Variants in SCN4A observed in about 807,000 individuals in gnomAD.
The protein encoded by SCN4A is sodium voltage-gated channel alpha subunit 4, also known as sodium channel protein type 4 subunit alpha.
SCN4A carries 83 observed loss-of-function variants against 162.0 expected under a neutral mutation model. The ratio of observed to expected loss-of-function variants is 0.51; its 90% CI spans 0.43 to 0.61. The LOEUF (loss-of-function observed/expected upper bound fraction) is 0.61, where lower values mean the gene tolerates loss of function less well. Ranked by LOEUF, SCN4A falls within the 20% of genes least tolerant of loss-of-function variation. The pLI, the probability that SCN4A is intolerant of heterozygous loss-of-function variation, is 0.00. For missense variants in SCN4A, 2,196 were observed against 2,462.5 expected, an observed-to-expected ratio of 0.89 and a Z score of 2.29; for synonymous variants, 944 against 985.1, an observed-to-expected ratio of 0.96 and a Z score of 0.78.
At position 63,940,904 on chromosome 17, in the gene SCN4A, T is replaced by C; in HGVS notation, c.5378A>G (p.Glu1793Gly). 1 of 1,613,924 alleles carries C rather than the reference T, an allele frequency of 6.2e-7. No individual in the cohort carries two copies. The highest frequency in any genetic ancestry group is 8.5e-7 in the Non-Finnish European group (1 of 1,179,882). Residue 1793 changes from glutamate to glycine, a missense_variant, in exon 24 of 24, where the codon GAG (glutamate) becomes GGG (glycine). Physicochemically the swap from Glu to Gly is moderately conservative, Grantham distance 98. Coordinates refer to ENST00000435607, the MANE Select transcript of SCN4A (RefSeq NM_000334.4). Reference protein sequence around the residue: ...ENGNSSSPSPEEKGEAGDAGP... With the variant: ...ENGNSSSPSPGEKGEAGDAGP... ...GGCGTCCCCTGCCTCGCCCTTCTCCTCCGGGCTTGGCGAGCTGCTGTTCCC... is the reference window on the plus strand; with the variant it reads ...GGCGTCCCCTGCCTCGCCCTTCTCCCCCGGGCTTGGCGAGCTGCTGTTCCC...
At chr17:63,942,295 GAAAGAGAC>G (rs1908567286) in intron 23 of SCN4A, among the ~76,000 whole-genome samples, 1 of 151,358 alleles carries the variant, frequency 6.6e-6, no homozygotes, top group Non-Finnish European at 1.5e-5. Flanking sequence ...GTGTGTGTGT[GAAAGAGAC>G]AGAGAGAGAG....
chr17:63,951,659 G>A lies in SCN4A; in HGVS notation c.2618C>T (p.Thr873Ile). The A allele has an allele frequency of 6.3e-7, 1 of 1,588,770 alleles. No individual in the cohort carries two copies. The highest frequency in any genetic ancestry group is 8.6e-7 in the Non-Finnish European group (1 of 1,167,138). Residue 873 changes from threonine (T) to isoleucine (I), a missense_variant, in exon 14 of 24, where the codon ACT becomes ATT. Coordinates refer to ENST00000435607, the MANE Select transcript of SCN4A (RefSeq NM_000334.4). This position sits in a 1 kb window ranked among gnomAD's most constrained non-coding sequence, Gnocchi z 4.5. ...CTCCTTCTTCTCATCCTCGGGGGCAGTCTCCCCCGCCTCTCCAGCCTCCCC... is the reference window on the plus strand; with the variant it reads ...CTCCTTCTTCTCATCCTCGGGGGCAATCTCCCCCGCCTCTCCAGCCTCCCC... ...GAGEAGEAGETAPEDEKKEPP... is the reference protein window; with the variant it reads ...GAGEAGEAGEIAPEDEKKEPP...
In SCN4A at chr17:63,942,937, T is replaced by C. The variant is rs1351041628; in HGVS notation, c.4177A>G (p.Ile1393Val). The C allele has an allele frequency of 6.2e-7, 1 of 1,614,020 alleles. No homozygotes were observed. The highest frequency in any genetic ancestry group is 2.2e-5 in the East Asian group (1 of 44,884). The change falls in exon 23 of 24, where the codon ATC becomes GTC. Residue 1393 changes from isoleucine (I) to valine (V), a missense_variant. Coordinates refer to ENST00000435607, the MANE Select transcript of SCN4A (RefSeq NM_000334.4). ...DILYNINMIF[I>V]IIFTGECVLK... Reference sequence around the variant, plus strand: ...ACGCACTCCCCTGTGAAGATGATGATGAAGATCATGTTGATGTTGTACAGG... The same window carrying C: ...ACGCACTCCCCTGTGAAGATGATGACGAAGATCATGTTGATGTTGTACAGG...
At chr17:63,943,174 A>G in intron 22 of SCN4A, 78 bp from the exon 23 acceptor site, 4 of 1,448,316 alleles carry the variant, frequency 2.8e-6, no homozygotes, top group Non-Finnish European at 3.8e-6. Flanking sequence ...CAGGAGGCAC[A>G]GGATGGCACC....
At position 63,950,802 on chromosome 17, in the gene SCN4A, C is replaced by T. The variant is rs987458821; in HGVS notation, c.2853+622G>A. Among the ~76,000 whole-genome samples, 10 of 152,300 alleles carry T rather than the reference C, an allele frequency of 6.6e-5. No homozygotes were observed. The East Asian group carries it at 1.9e-3, about 29-fold the overall frequency. The stretch of plus-strand genomic sequence containing the variant: ...TGCGTTCCTGTCCCTTCCTCGACCT[C>T]GCAGTGGAGGGGTGGGGAGGGGCAT... On this transcript the variant is annotated intron_variant, in intron 14 of 23. Transcript: ENST00000435607. The surrounding 1 kb of genome is among the most constrained non-coding windows in gnomAD (Gnocchi z 4.6).
At chr17:63,953,475 C>G (rs985552865) in intron 13 of SCN4A, among the ~76,000 whole-genome samples, 1 of 151,384 alleles carries the variant, frequency 6.6e-6, no homozygotes, top group Non-Finnish European at 1.5e-5. Context: ...TAATAGAAAG[C>G]TATACAAGGT....
Position 63,972,380 on chromosome 17 carries a change from G to A in SCN4A, c.364C>T (p.Arg122Cys), listed in dbSNP as rs150158100. The change falls in exon 2 of 24, where the codon CGC becomes TGC. Residue 122 changes from arginine to cysteine, a missense_variant. By Grantham distance (180) the Arg-to-Cys change is radical. Coordinates refer to ENST00000435607, the MANE Select transcript of SCN4A (RefSeq NM_000334.4). The surrounding 1 kb of genome is among the most constrained non-coding windows in gnomAD (Gnocchi z 4.3). ...TGGATGAGCACCTTGATGGCCCCGC[G>A]CCTGACTACGCTGAAGGGGCTCAGC... ...YLLSPFSVVRRGAIKVLIHAL... is the reference protein window; with the variant it reads ...YLLSPFSVVRCGAIKVLIHAL... 115 of 1,613,930 alleles carry A rather than the reference G, an allele frequency of 7.1e-5. No homozygotes were observed. Among genetic ancestry groups the A allele is most frequent in the Middle Eastern group, 1.6e-4 (1 of 6,062 alleles).
intron 14 of SCN4A, chr17:63,949,758 C>G (rs1437035091): frequency 1.1e-5 from 5 of 451,716 alleles, no homozygotes; most frequent in African/African-American, 6.0e-5. Flanking sequence ...GGGGCTGATG[C>G]CTGGGAAGGG....
Position 63,954,111 on chromosome 17 carries a change from G to A in SCN4A, c.2377-2211C>T, listed in dbSNP as rs147472445. 1.9e-4 allele frequency among the ~76,000 whole-genome samples: 29 copies of A among 152,264 alleles called. 1 individual carries two copies. In the East Asian group the frequency reaches 4.2e-3, roughly 22 times the overall value. On this transcript the variant is annotated intron_variant, in intron 13 of 23. Transcript: ENST00000435607. The stretch of plus-strand genomic sequence containing the variant: ...TTGGGGAGCCTGCACTTGCAGATCC[G>A]CCACCCTTGGCCGTCTCCTCGGCGG...
Position 63,957,289 on chromosome 17 carries a change from G to C in SCN4A, c.2249C>G (p.Ser750Cys). Residue 750 changes from serine to cysteine, a missense_variant, in exon 13 of 24, where the codon TCC (serine) becomes TGC (cysteine). Transcript: ENST00000435607. Reference sequence around the variant, plus strand: ...CAGGATGCGGAAGACGATGAGGAAGGAGTGGAAGAAATCATGCATGTGCCA... The same window carrying C: ...CAGGATGCGGAAGACGATGAGGAAGCAGTGGAAGAAATCATGCATGTGCCA... ...PRWHMHDFFH[S>C]FLIVFRILCG... is the part of the protein sequence containing the mutation. 1.9e-6 allele frequency: 3 copies of C among 1,614,178 alleles called. No individual in the cohort carries two copies. The highest frequency in any genetic ancestry group is 2.5e-6 in the Non-Finnish European group (3 of 1,179,996).
rs749592323 is a variant in SCN4A at position 63,964,462 on chromosome 17, C to T, written c.1452+6G>A. ...GGTCCTCTATCTCCTTTCCCTGAGT[C>T]CAGACCTTCTCCAGCTCCTCCTGGT... On this transcript the variant is annotated splice_donor_region_variant and intron_variant, in intron 9 of 23. Transcript: ENST00000435607. 2 of 1,613,572 alleles carry T rather than the reference C, an allele frequency of 1.2e-6. No homozygotes were observed. The highest frequency in any genetic ancestry group is 1.7e-6 in the Non-Finnish European group (2 of 1,179,534).
At chr17:63,947,008 A>AACCCCCCCCCCC in intron 18 of SCN4A, 37 bp downstream of exon 18, 5 of 782,404 alleles carry the variant, frequency 6.4e-6, no homozygotes, top group Non-Finnish European at 1.0e-5. Context: ...CCGGTCCCCC[A>AACCCCCCCCCCC]TCCCCAGCCC....
chr17:63,970,407 G>A (rs112658301), intron 5 of SCN4A, among the ~76,000 whole-genome samples: 67 of 152,300 alleles, frequency 4.4e-4, no homozygotes, highest in African/African-American at 1.6e-3. Flanking sequence ...CTTGCCCAAA[G>A]TTAAAGTTAG....
At chr17:63,949,250 A>G in intron 15 of SCN4A, 143 bp downstream of exon 15, 1 of 870,730 alleles carries the variant, frequency 1.1e-6, no homozygotes, top group African/African-American at 1.7e-5. Flanking sequence ...CTGGGCATGC[A>G]CTGCCACCAC....
Position 63,947,936 on chromosome 17 carries a change from A to G in SCN4A, c.3272T>C (p.Val1091Ala), listed in dbSNP as rs1470875535. The G allele has an allele frequency of 4.3e-6, 7 of 1,613,706 alleles. No individual in the cohort carries two copies. In the African/African-American group the frequency reaches 9.3e-5, roughly 22 times the overall value. Residue 1091 changes from valine to alanine, a missense_variant, in exon 17 of 24, where the codon GTG (valine) becomes GCG (alanine). Physicochemically the swap from Val to Ala is moderately conservative, Grantham distance 64. Transcript: ENST00000435607. The stretch of plus-strand genomic sequence containing the variant: ...CCAGCACCAGGCGTTGGTGAAGTAC[A>G]CCTTAAAGCCGTAGGCCACCCATTT... Reference protein sequence around the residue: ...LLKWVAYGFKVYFTNAWCWLD... With the variant: ...LLKWVAYGFKAYFTNAWCWLD...
chr17:63,966,214 T>C lies in SCN4A; in HGVS notation c.1130A>G (p.Lys377Arg). The C allele has an allele frequency of 6.2e-7, 1 of 1,604,334 alleles. No individual in the cohort carries two copies. The highest frequency in any genetic ancestry group is 8.5e-7 in the Non-Finnish European group (1 of 1,175,516). Residue 377 changes from lysine (K) to arginine (R), a missense_variant, in exon 8 of 24, where the codon AAG (lysine) becomes AGG (arginine). By Grantham distance (26) the Lys-to-Arg change is conservative. Transcript: ENST00000435607. ...GHCPEGYECI[K>R]TGRNPNYGYT... ...GCCATAGTTGGGGTTCCGCCCGGTCTTGATGCACTCATAACCCTCAGGGCA... is the reference window on the plus strand; with the variant it reads ...GCCATAGTTGGGGTTCCGCCCGGTCCTGATGCACTCATAACCCTCAGGGCA...
Position 63,958,170 on chromosome 17 carries a change from G to C in SCN4A, c.2020-652C>G, listed in dbSNP as rs557077248. On this transcript the variant is annotated intron_variant, in intron 12 of 23. Coordinates refer to ENST00000435607, the MANE Select transcript of SCN4A (RefSeq NM_000334.4). ...GCATCACTTGAGCCTAGGAGTTGGAGACCAGCCTGGGCAACATGGCGAAAC... is the reference window on the plus strand; with the variant it reads ...GCATCACTTGAGCCTAGGAGTTGGACACCAGCCTGGGCAACATGGCGAAAC... Among the ~76,000 whole-genome samples, 353 of 152,146 alleles carry C rather than the reference G, an allele frequency of 2.3e-3. 2 individuals carry two copies. The highest frequency in any genetic ancestry group is 6.8e-3 in the Middle Eastern group (2 of 292).
rs752987363 is a variant in SCN4A, at chr17:63,939,713, C to T, written c.*1058G>A. Reference sequence around the variant, plus strand: ...CCTTCCCTGCTGCACGCCCCAGGGTCGAAATATCTAACCTGAGCTCAACTG... The same window carrying T: ...CCTTCCCTGCTGCACGCCCCAGGGTTGAAATATCTAACCTGAGCTCAACTG... On this transcript the variant is annotated 3_prime_UTR_variant, in exon 24 of 24. Transcript: ENST00000435607. 2.0e-5 allele frequency: 3 copies of T among 152,148 alleles called. No individual in the cohort carries two copies. The highest frequency in any genetic ancestry group is 4.4e-5 in the Non-Finnish European group (3 of 68,050). The allele number at this position is 152,148 out of a possible 1,614,324, so 9.4% of individuals were successfully genotyped here. A position where few individuals can be genotyped will look rare whatever the true frequency, so the allele number is the denominator to read the frequency against.
Position 63,945,697 on chromosome 17 carries a change from A to G in SCN4A, c.3442-59T>C. 2 of 1,572,628 alleles carry G rather than the reference A, an allele frequency of 1.3e-6. No homozygotes were observed. ...CCCAGCCTCTGAGAGAGGGCTCCACATCTCTACGCCACCCAGGGGACCAGG... is the reference window on the plus strand; with the variant it reads ...CCCAGCCTCTGAGAGAGGGCTCCACGTCTCTACGCCACCCAGGGGACCAGG... On this transcript the variant is annotated intron_variant, in intron 18 of 23. Coordinates refer to ENST00000435607, the MANE Select transcript of SCN4A (RefSeq NM_000334.4). This position sits in a 1 kb window ranked among gnomAD's most constrained non-coding sequence, Gnocchi z 4.4.
Sources: gnomAD v4.1 joint callset for allele counts (sites outside exome capture counted in the v4.1 genomes callset) on GRCh38, gnomAD v4.1.1 for gene constraint, Gnocchi (gnomAD v3.1) non-coding constraint, MANE v1.5 for transcripts, NCBI Gene and HGNC (gene_info 2026-07-23, HGNC 2026-07-21) for gene names.